Variants in ATP1B2 observed in about 807,000 individuals in gnomAD.
The protein encoded by ATP1B2 is sodium/potassium-transporting ATPase subunit beta-2.
A neutral mutation model predicts 37.3 loss-of-function variants in ATP1B2; 12 were observed. The observed-to-expected ratio is 0.32, with a 90% CI of 0.21 to 0.52. The LOEUF is 0.52. Among genes scored for constraint, ATP1B2 ranks in the 20% least tolerant of loss-of-function variants. The pLI is 0.96. For missense variants in ATP1B2, 324 were observed against 391.6 expected (o/e 0.83, Z 1.46); for synonymous variants, 139 against 140.5 (o/e 0.99, Z 0.07).
chr17:7,649,260 C>T (rs2072593903), upstream of ATP1B2, among the ~76,000 whole-genome samples: 1 of 151,774 alleles, frequency 6.6e-6, no homozygotes, highest in African/African-American at 2.4e-5. Flanking sequence ...ACCATGTTGG[C>T]CAGGCTGGTC....
chr17:7,650,699 A>G (rs1306315661), upstream of ATP1B2, among the ~76,000 whole-genome samples: 1 of 151,324 alleles, frequency 6.6e-6, no homozygotes, highest in Non-Finnish European at 1.5e-5. Flanking sequence ...CACGCCCTCT[A>G]TCTCTTCCTC....
Position 7,655,594 on chromosome 17 carries a change from T to C in ATP1B2, c.677T>C (p.Met226Thr), listed in dbSNP as rs150919258. Residue 226 changes from methionine to threonine, a missense_variant, in exon 6 of 7, where the codon ATG (methionine) becomes ACG (threonine). Coordinates refer to ENST00000250111, the MANE Select transcript of ATP1B2 (RefSeq NM_001678.5). The surrounding 1 kb of genome is among the most constrained non-coding windows in gnomAD (Gnocchi z 4.4). ...CCCGCCAACGGCAACATCGACCTCA[T>C]GTACTTCCCCTACTATGGCAAAAAG... ...MFPANGNIDL[M>T]YFPYYGKKFH... 1 of 1,614,134 alleles carries C rather than the reference T, an allele frequency of 6.2e-7. No individual in the cohort carries two copies. Among genetic ancestry groups the C allele is most frequent in the Non-Finnish European group, 8.5e-7 (1 of 1,180,022 alleles).
chr17:7,654,574 C>T lies in ATP1B2; in HGVS notation c.553-54C>T, dbSNP rs2072637014. The T allele has an allele frequency of 1.9e-6, 3 of 1,586,026 alleles. No individual in the cohort carries two copies. The highest frequency in any genetic ancestry group is 2.7e-5 in the African/African-American group (2 of 74,324). ...CCCCGGCTTAGCTTGGTCTGGATGC[C>T]CATCTTCGACAACTTCTTCCTCTGA... On this transcript the variant is annotated intron_variant, in intron 4 of 6. Transcript: ENST00000250111. The surrounding 1 kb of genome is among the most constrained non-coding windows in gnomAD (Gnocchi z 4.9).
In ATP1B2 at chr17:7,654,147, C is replaced by A. The variant is rs145660136; in HGVS notation, c.442C>A (p.Arg148Ser). 6.2e-7 allele frequency: 1 copy of A among 1,614,230 alleles called. No homozygotes were observed. Among genetic ancestry groups the A allele is most frequent in the East Asian group, 2.2e-5 (1 of 44,892 alleles). Reference protein sequence around the residue: ...PDNGVLNYPKRACQFNRTQLG... With the variant: ...PDNGVLNYPKSACQFNRTQLG... ...TAATGGAGTCCTCAACTACCCCAAA[C>A]GTGCCTGCCAATTCAACCGGACCCA... Residue 148 changes from arginine (R) to serine (S), a missense_variant, in exon 4 of 7, where the codon CGT becomes AGT. Arg to Ser is a moderately radical substitution (Grantham distance 110, BLOSUM62 -1). Coordinates refer to ENST00000250111, the MANE Select transcript of ATP1B2 (RefSeq NM_001678.5). This position sits in a 1 kb window ranked among gnomAD's most constrained non-coding sequence, Gnocchi z 4.9.
chr17:7,650,417 TG>T (rs1375752294), upstream of ATP1B2, among the ~76,000 whole-genome samples: 1 of 152,230 alleles, frequency 6.6e-6, no homozygotes, highest in East Asian at 1.9e-4. Flanking sequence ...AACGTCCCTC[TG>T]GGGGTGGCCT....
upstream of ATP1B2, among the ~76,000 whole-genome samples, chr17:7,650,243 G>C (rs1364770652): frequency 1.3e-5 from 2 of 152,168 alleles, no homozygotes; most frequent in Non-Finnish European, 2.9e-5. Flanking sequence ...TGGGATCTCA[G>C]GGCAGTGCTG....
rs200828135 is a variant in ATP1B2 at position 7,655,878 on chromosome 17, C to G, written c.856C>G (p.Arg286Gly). 2.5e-6 allele frequency: 4 copies of G among 1,614,114 alleles called. No individual in the cohort carries two copies. The highest frequency in any genetic ancestry group is 1.1e-5 in the South Asian group (1 of 91,080). ...CGCCGGCCGCGTGGCCTTCAAACTCCGCATCAACAAAACCTGAGGCCCCTT... is the reference window on the plus strand; with the variant it reads ...CGCCGGCCGCGTGGCCTTCAAACTCGGCATCAACAAAACCTGAGGCCCCTT... ...KFAGRVAFKL[R>G]INKT The change falls in exon 7 of 7, where the codon CGC becomes GGC. Residue 286 changes from arginine to glycine, a missense_variant. Coordinates refer to ENST00000250111, the MANE Select transcript of ATP1B2 (RefSeq NM_001678.5). This position sits in a 1 kb window ranked among gnomAD's most constrained non-coding sequence, Gnocchi z 4.4.
chr17:7,653,355 C>T lies in ATP1B2; in HGVS notation c.113-19C>T. 2 of 1,613,714 alleles carry T rather than the reference C, an allele frequency of 1.2e-6. No homozygotes were observed. The highest frequency in any genetic ancestry group is 8.5e-7 in the Non-Finnish European group (1 of 1,179,838). On this transcript the variant is annotated intron_variant, in intron 1 of 6. Transcript: ENST00000250111. ...GGTGGGAACCTTGGGCCCTGCTGAC[C>T]CTGTTTCCTCCTCCCTAGCCTTTAT...
chr17:7,653,528 G>C, intron 2 of ATP1B2, 26 bp downstream of exon 2: 1 of 1,613,100 alleles, frequency 6.2e-7, no homozygotes, highest in East Asian at 2.2e-5. Flanking sequence ...CCCCCTGCCA[G>C]CTACTCTAAC....
At position 7,653,299 on chromosome 17, in the gene ATP1B2, T is replaced by C. The variant is rs1597334957; in HGVS notation, c.113-75T>C. The C allele has an allele frequency of 7.5e-6, 12 of 1,596,670 alleles. No homozygotes were observed. In the East Asian group the frequency reaches 2.7e-4, roughly 36 times the overall value. ...TCCCAGTGCAGAACTTCAGAGTGGG[T>C]AGAGGGGTGTGTGGGGATAGTTGAG... On this transcript the variant is annotated intron_variant, in intron 1 of 6. Coordinates refer to ENST00000250111, the MANE Select transcript of ATP1B2 (RefSeq NM_001678.5).
At position 7,654,046 on chromosome 17, in the gene ATP1B2, C is replaced by T. The variant is rs576911066; in HGVS notation, c.347-6C>T. ...GCCCCTGAGTCTCTCCCTCCCACCT[C>T]TTTAGCTTACAACGACTCTATCCAA... On this transcript the variant is annotated splice_polypyrimidine_tract_variant and splice_region_variant and intron_variant, in intron 3 of 6. Coordinates refer to ENST00000250111, the MANE Select transcript of ATP1B2 (RefSeq NM_001678.5). The surrounding 1 kb of genome is among the most constrained non-coding windows in gnomAD (Gnocchi z 4.9). 3.8e-6 allele frequency: 6 copies of T among 1,567,618 alleles called. No individual in the cohort carries two copies. The South Asian group carries it at 5.6e-5, about 15-fold the overall frequency.
chr17:7,651,622 C>A lies in ATP1B2; in HGVS notation c.104C>A (p.Thr35Asn), dbSNP rs1314098559. Residue 35 changes from threonine (T) to asparagine (N), a missense_variant, in exon 1 of 7, where the codon ACC (threonine) becomes AAC (asparagine). By Grantham distance (65) the Thr-to-Asn change is moderately conservative. Coordinates refer to ENST00000250111, the MANE Select transcript of ATP1B2 (RefSeq NM_001678.5). ...RTHQFMGRTG[T>N]SWAFILLFYL... ...CACCAGTTTATGGGCCGCACCGGGA[C>A]CAGCTGGGGTACGCAGGGCCGGCAC... The A allele has an allele frequency of 1.3e-6, 2 of 1,599,266 alleles. No homozygotes were observed. Among genetic ancestry groups the A allele is most frequent in the Admixed American group, 3.4e-5 (2 of 58,254 alleles).
rs549543777 is a variant in ATP1B2, at chr17:7,651,047, G to A, written c.-472G>A. On this transcript the variant is annotated 5_prime_UTR_variant, in exon 1 of 7. Transcript: ENST00000250111. ...ACCGGTGCAGTGGTCTCCGCTTGGC[G>A]GAGCGAGCCTTGAGCTTCGTTCCAC... is the stretch of plus-strand genomic sequence containing the variant. 245 of 171,186 alleles carry A rather than the reference G, an allele frequency of 1.4e-3. 5 individuals carry two copies. The highest frequency in any genetic ancestry group is 5.7e-3 in the African/African-American group (235 of 41,556). The allele number at this position is 171,186 out of a possible 1,614,324, so 10.6% of individuals were successfully genotyped here. A position where few individuals can be genotyped will look rare whatever the true frequency, so the allele number is the denominator to read the frequency against.
chr17:7,647,889 G>C (rs2072584544), upstream of ATP1B2, among the ~76,000 whole-genome samples: 2 of 152,030 alleles, frequency 1.3e-5, no homozygotes, highest in Admixed American at 6.6e-5. Flanking sequence ...GCCAGGTGTG[G>C]TGATGTGTGC....
In ATP1B2 at chr17:7,655,294, G is replaced by A. The variant is rs552969770; in HGVS notation, c.610-233G>A. On this transcript the variant is annotated intron_variant, in intron 5 of 6. Coordinates refer to ENST00000250111, the MANE Select transcript of ATP1B2 (RefSeq NM_001678.5). The surrounding 1 kb of genome is among the most constrained non-coding windows in gnomAD (Gnocchi z 4.4). ...GGTAGGAGTGGAGTAGGAGGCTTTC[G>A]TGCCATTAGCAGCCTTCAGGAGTTC... 2.9e-5 allele frequency: 17 copies of A among 577,186 alleles called. 1 individual carries two copies. Among genetic ancestry groups the A allele is most frequent in the South Asian group, 2.5e-4 (12 of 47,260 alleles). 35.8% of individuals were successfully genotyped at this position (577,186 alleles called of 1,614,324 possible).
rs370177478 is a variant in ATP1B2, at chr17:7,656,043, C to T, written c.*148C>T. ...CCTCACATCCTTTTCCTTGACTTCT[C>T]AACCCAGCCTGAAGTCCATTGCGGT... On this transcript the variant is annotated 3_prime_UTR_variant, in exon 7 of 7. Transcript: ENST00000250111. 9.1e-7 allele frequency: 1 copy of T among 1,104,842 alleles called. No homozygotes were observed. The allele number at this position is 1,104,842 out of a possible 1,614,324, so 68.4% of individuals were successfully genotyped here. A position where few individuals can be genotyped will look rare whatever the true frequency, so the allele number is the denominator to read the frequency against.
upstream of ATP1B2, among the ~76,000 whole-genome samples, chr17:7,650,798 T>A (rs1246199693): frequency 7.0e-6 from 1 of 141,922 alleles, no homozygotes; most frequent in Non-Finnish European, 1.5e-5. Context: ...GCCCAACCTC[T>A]CCATATTTAC....
chr17:7,653,747 C>T, intron 2 of ATP1B2, 94 bp from the exon 3 acceptor site: 1 of 1,356,376 alleles, frequency 7.4e-7, no homozygotes, highest in East Asian at 2.3e-5. Flanking sequence ...TCACCGCTGT[C>T]CCCACTCTGG....
At chr17:7,649,408 G>A (rs1402274876), upstream of ATP1B2, among the ~76,000 whole-genome samples, 2 of 151,514 alleles carry the variant, frequency 1.3e-5, no homozygotes, top group African/African-American at 4.8e-5. Context: ...CTTTTTTTGA[G>A]ACGAAGTCTC....
Sources: gnomAD v4.1 joint callset for allele counts (sites outside exome capture counted in the v4.1 genomes callset) on GRCh38, gnomAD v4.1.1 for gene constraint, Gnocchi (gnomAD v3.1) non-coding constraint, MANE v1.5 for transcripts, NCBI Gene and HGNC (gene_info 2026-07-23, HGNC 2026-07-21) for gene names.